TRABD2B: variants seen among roughly 807,000 people sequenced by gnomAD.
The protein encoded by TRABD2B is TraB domain containing 2B.
In TRABD2B, 14 loss-of-function variants were observed where a neutral mutation model predicts 40.1. The observed-to-expected ratio is 0.35, with a 90% CI of 0.23 to 0.55. The LOEUF (loss-of-function observed/expected upper bound fraction) is 0.55, where lower values mean the gene tolerates loss of function less well. Ranked by LOEUF, TRABD2B falls within the 20% of genes least tolerant of loss-of-function variation. The pLI is 0.90. For missense variants in TRABD2B, 541 were observed against 648.6 expected, an observed-to-expected ratio of 0.83 and a Z score of 1.80; for synonymous variants, 263 against 277.0, an observed-to-expected ratio of 0.95 and a Z score of 0.50.
intron 2 of TRABD2B, among the ~76,000 whole-genome samples, chr1:47,982,451 G>T (rs534153639): frequency 8.5e-5 from 13 of 152,264 alleles, no homozygotes; most frequent in African/African-American, 2.9e-4. Context: ...TATGGAAACA[G>T]ATGTTCAGCC....
chr1:47,789,031 C>G (rs1404955164), intron 4 of TRABD2B, among the ~76,000 whole-genome samples: 1 of 152,170 alleles, frequency 6.6e-6, no homozygotes, highest in Non-Finnish European at 1.5e-5. Flanking sequence ...CTGGACCCCA[C>G]CCCCACAATT....
At position 47,825,748 on chromosome 1, in the gene TRABD2B, T is replaced by A. The variant is rs6673949; in HGVS notation, c.667-24129A>T. Among the ~76,000 whole-genome samples the A allele has an allele frequency of 3.5e-5, 5 of 143,712 alleles. No homozygotes were observed. In the South Asian group the frequency reaches 1.2e-3, roughly 36 times the overall value. 94.3% of individuals were successfully genotyped at this position (143,712 alleles called of 152,430 possible). Reference sequence around the variant, plus strand: ...TTCAGGAAATCCTCAGGGTGGGCACTGAGCCGGGAGGAAGTGGCTGAGTTC... The same window carrying A: ...TTCAGGAAATCCTCAGGGTGGGCACAGAGCCGGGAGGAAGTGGCTGAGTTC... On this transcript the variant is annotated intron_variant, in intron 2 of 6. Coordinates refer to ENST00000606738, the MANE Select transcript of TRABD2B (RefSeq NM_001194986.2).
chr1:47,783,233 C>T (rs1644550173), intron 4 of TRABD2B, among the ~76,000 whole-genome samples: 1 of 151,544 alleles, frequency 6.6e-6, no homozygotes, highest in Admixed American at 6.6e-5. Flanking sequence ...CAGTAAGAGA[C>T]ACAGAGACAA....
At chr1:47,855,186 T>C (rs1232296109) in intron 2 of TRABD2B, among the ~76,000 whole-genome samples, 2 of 152,248 alleles carry the variant, frequency 1.3e-5, no homozygotes, top group African/African-American at 4.8e-5. Context: ...AATATCTATG[T>C]ATTTGCTACT....
chr1:47,807,017 G>A (rs909301471), intron 2 of TRABD2B, among the ~76,000 whole-genome samples: 49 of 152,178 alleles, frequency 3.2e-4, no homozygotes, highest in African/African-American at 1.1e-3. Flanking sequence ...TCTAGGTGCT[G>A]GGGAGTTAGC....
At chr1:47,791,624 G>A (rs995193930) in intron 4 of TRABD2B, among the ~76,000 whole-genome samples, 4 of 152,200 alleles carry the variant, frequency 2.6e-5, no homozygotes, top group Non-Finnish European at 5.9e-5. Context: ...CAGGTGGGTA[G>A]GTGAGGAGTG....
At chr1:47,800,328 G>A (rs1258042855) in intron 3 of TRABD2B, among the ~76,000 whole-genome samples, 2 of 152,226 alleles carry the variant, frequency 1.3e-5, no homozygotes, top group Non-Finnish European at 2.9e-5. Flanking sequence ...CAGCCTCACT[G>A]AGATGACGAG....
At chr1:47,995,040 C>T (rs1424343690) in intron 1 of TRABD2B, among the ~76,000 whole-genome samples, 1 of 152,148 alleles carries the variant, frequency 6.6e-6, no homozygotes, top group East Asian at 1.9e-4. Flanking sequence ...AAACCTTCAC[C>T]GGTGGTGTTT....
At chr1:47,808,599 G>A (rs1644922925) in intron 2 of TRABD2B, among the ~76,000 whole-genome samples, 1 of 152,162 alleles carries the variant, frequency 6.6e-6, no homozygotes, top group Admixed American at 6.5e-5. Context: ...ATGGAGCATT[G>A]TAAAGATGCT....
rs370059019 is a variant in TRABD2B, at chr1:47,874,571, C to CTTTT, written c.667-72956_667-72953dup. Among the ~76,000 whole-genome samples, 5 of 137,280 alleles carry CTTTT rather than the reference C, an allele frequency of 3.6e-5. No homozygotes were observed. The East Asian group carries it at 1.1e-3, about 31-fold the overall frequency. The allele number at this position is 137,280 out of a possible 152,430, so 90.1% of individuals were successfully genotyped here. On this transcript the variant is annotated intron_variant, in intron 2 of 6. Transcript: ENST00000606738. ...ACAGGCGTGAGCCACCGCGCCCGGC[C>CTTTT]TTTTTTTTTTTTTTAAGAGACAAGG...
At chr1:47,806,785 G>T (rs1045550435) in intron 2 of TRABD2B, among the ~76,000 whole-genome samples, 2 of 152,192 alleles carry the variant, frequency 1.3e-5, no homozygotes, top group Non-Finnish European at 2.9e-5. Context: ...TCCTAGATGG[G>T]CTGGAATGGT....
intron 2 of TRABD2B, among the ~76,000 whole-genome samples, chr1:47,989,393 AC>A (rs112995939): frequency 0.014 from 2,060 of 152,236 alleles, 50 homozygotes; most frequent in African/African-American, 0.046. Flanking sequence ...ATGATTTTTG[AC>A]CATTTGCTCA....
Position 47,996,911 on chromosome 1 carries a change from G to A in TRABD2B, c.-122C>T. ...CGGGGCTCCAGCCGCAGGATGCTGGGCGCCCTCTGGGGCGTGGCTGACTGT... is the reference window on the plus strand; with the variant it reads ...CGGGGCTCCAGCCGCAGGATGCTGGACGCCCTCTGGGGCGTGGCTGACTGT... On this transcript the variant is annotated 5_prime_UTR_variant, in exon 1 of 7. Transcript: ENST00000606738. The surrounding 1 kb of genome is among the most constrained non-coding windows in gnomAD (Gnocchi z 4.6). 2 of 1,124,564 alleles carry A rather than the reference G, an allele frequency of 1.8e-6. No individual in the cohort carries two copies. Among genetic ancestry groups the A allele is most frequent in the Non-Finnish European group, 2.2e-6 (2 of 920,158 alleles). 69.7% of individuals were successfully genotyped at this position (1,124,564 alleles called of 1,614,324 possible).
chr1:47,780,218 G>T (rs931914120), intron 4 of TRABD2B, among the ~76,000 whole-genome samples: 5 of 152,124 alleles, frequency 3.3e-5, no homozygotes, highest in Non-Finnish European at 5.9e-5. Context: ...AATGTCAGAG[G>T]GCTCTAGTCT....
At chr1:47,809,486 G>C (rs760712934) in intron 2 of TRABD2B, among the ~76,000 whole-genome samples, 1 of 152,220 alleles carries the variant, frequency 6.6e-6, no homozygotes, top group Admixed American at 6.5e-5. Flanking sequence ...GAGGAGCTGC[G>C]CCTGCTAGAC....
At chr1:47,938,855 CT>C (rs1370128142) in intron 2 of TRABD2B, among the ~76,000 whole-genome samples, 3 of 152,108 alleles carry the variant, frequency 2.0e-5, no homozygotes, top group Non-Finnish European at 4.4e-5. Context: ...GAGATAGTTT[CT>C]TGGCAGGAGG....
chr1:47,890,020 G>A (rs771196796), intron 2 of TRABD2B, among the ~76,000 whole-genome samples: 11 of 152,264 alleles, frequency 7.2e-5, no homozygotes, highest in Non-Finnish European at 1.2e-4. Flanking sequence ...AATATCTCTG[G>A]CTGAGTCTCC....
In TRABD2B at chr1:47,996,682, G is replaced by C; in HGVS notation, c.102+6C>G. ...CGGGAGAGTGGCCGGGCAGGCGCTC[G>C]CTCACCGATCCGGGCGGCCGGCACT... On this transcript the variant is annotated splice_donor_region_variant and intron_variant, in intron 1 of 6. Coordinates refer to ENST00000606738, the MANE Select transcript of TRABD2B (RefSeq NM_001194986.2). The surrounding 1 kb of genome is among the most constrained non-coding windows in gnomAD (Gnocchi z 4.6). 1 of 1,229,124 alleles carries C rather than the reference G, an allele frequency of 8.1e-7. No individual in the cohort carries two copies. 76.1% of individuals were successfully genotyped at this position (1,229,124 alleles called of 1,614,324 possible). A position where few individuals can be genotyped will look rare whatever the true frequency, so the allele number is the denominator to read the frequency against.
chr1:47,893,712 G>A (rs914383114), intron 2 of TRABD2B, among the ~76,000 whole-genome samples: 1 of 152,154 alleles, frequency 6.6e-6, no homozygotes, highest in Admixed American at 6.5e-5. Flanking sequence ...ATGCACAGTC[G>A]CTACCTTCCT....
Sources: allele counts gnomAD v4.1 joint callset (sites outside exome capture counted in the v4.1 genomes callset), GRCh38; gene constraint gnomAD v4.1.1; non-coding constraint Gnocchi (gnomAD v3.1); transcripts MANE v1.5; gene names NCBI Gene and HGNC (gene_info 2026-07-23, HGNC 2026-07-21).